UVRAG: variants seen among roughly 807,000 people sequenced by gnomAD.
The protein encoded by UVRAG is UV radiation resistance-associated gene protein.
In UVRAG, 19 loss-of-function variants were observed where a neutral mutation model predicts 78.0. That is an observed-to-expected ratio of 0.24 (90% CI 0.17 to 0.36). The LOEUF (loss-of-function observed/expected upper bound fraction) is 0.36, where lower values mean the gene tolerates loss of function less well. UVRAG is among the 10% of genes least tolerant of loss of function. The pLI, the probability that UVRAG is intolerant of heterozygous loss-of-function variation, is 1.00. For missense variants in UVRAG, 740 were observed against 853.8 expected (o/e 0.87, Z 1.66); for synonymous variants, 323 against 324.6 (o/e 1.00, Z 0.05).
intron 11 of UVRAG, among the ~76,000 whole-genome samples, chr11:76,010,541 G>A (rs1347335760): frequency 6.6e-6 from 1 of 152,176 alleles, no homozygotes; most frequent in African/African-American, 2.4e-5. Context: ...CAAAGGTGAT[G>A]ATGAAGGAGG....
chr11:75,892,467 CT>C, intron 5 of UVRAG: 1 of 910,742 alleles, frequency 1.1e-6, no homozygotes, highest in Non-Finnish European at 1.3e-6. Context: ...ATTCTAAACA[CT>C]TTACACATTT....
intron 1 of UVRAG, among the ~76,000 whole-genome samples, chr11:75,845,674 G>A (rs1946016521): frequency 6.6e-6 from 1 of 152,160 alleles, no homozygotes. Context: ...ACACAAAGAA[G>A]GGAACAGTAG....
chr11:75,931,517 A>G (rs1360286825), intron 6 of UVRAG, among the ~76,000 whole-genome samples: 3 of 152,200 alleles, frequency 2.0e-5, no homozygotes, highest in African/African-American at 7.2e-5. Flanking sequence ...ATTTTAAAAA[A>G]TTAAAGTGAA....
At chr11:76,072,104 AAG>A (rs983539569) in intron 13 of UVRAG, among the ~76,000 whole-genome samples, 1 of 152,136 alleles carries the variant, frequency 6.6e-6, no homozygotes. Flanking sequence ...CAGAGCTGAA[AAG>A]AGAGAGAGAC....
chr11:75,828,728 T>TGG (rs1945577876), intron 1 of UVRAG, among the ~76,000 whole-genome samples: 1 of 126,072 alleles, frequency 7.9e-6, no homozygotes, highest in African/African-American at 3.6e-5. Flanking sequence ...TATATGTGTG[T>TGG]GTGTATATAT....
intron 12 of UVRAG, among the ~76,000 whole-genome samples, chr11:76,056,163 T>C (rs889642928): frequency 6.6e-6 from 1 of 152,250 alleles, no homozygotes. Flanking sequence ...AGTCCCCTGC[T>C]TAACCATTGT....
chr11:75,849,156 C>T (rs1241037553), intron 1 of UVRAG, among the ~76,000 whole-genome samples: 3 of 143,444 alleles, frequency 2.1e-5, no homozygotes, highest in Non-Finnish European at 3.1e-5. Context: ...CCAGCCTGGG[C>T]GAGACAGAGC....
chr11:75,858,217 CT>C (rs1268311958), intron 2 of UVRAG, among the ~76,000 whole-genome samples: 11 of 152,006 alleles, frequency 7.2e-5, no homozygotes, highest in African/African-American at 2.7e-4. Flanking sequence ...TTTCACCAGC[CT>C]TCTGTCACCC....
chr11:76,044,501 G>A (rs956747347), intron 12 of UVRAG, among the ~76,000 whole-genome samples: 15 of 152,242 alleles, frequency 9.9e-5, no homozygotes, highest in Admixed American at 9.2e-4. Flanking sequence ...GCCAGGCGCC[G>A]CGGCTCACGG....
At chr11:75,902,186 G>T (rs1216115640) in intron 5 of UVRAG, among the ~76,000 whole-genome samples, 1 of 152,160 alleles carries the variant, frequency 6.6e-6, no homozygotes, top group South Asian at 2.1e-4. Flanking sequence ...ACACCACTTG[G>T]TTGTCATCAG....
chr11:75,917,255 A>G (rs1285822247), intron 6 of UVRAG, among the ~76,000 whole-genome samples: 1 of 152,352 alleles, frequency 6.6e-6, no homozygotes, highest in South Asian at 2.1e-4. Flanking sequence ...TAATTTTTGC[A>G]AAGGTGGTTT....
chr11:75,854,910 T>G (rs2134757795), intron 2 of UVRAG, among the ~76,000 whole-genome samples: 1 of 152,338 alleles, frequency 6.6e-6, no homozygotes, highest in East Asian at 1.9e-4. Context: ...GTATTTTAAA[T>G]TTTTGATGAG....
At chr11:76,040,680 C>G (rs191177443) in intron 12 of UVRAG, among the ~76,000 whole-genome samples, 1 of 151,882 alleles carries the variant, frequency 6.6e-6, no homozygotes, top group African/African-American at 2.4e-5. Context: ...CTCAGCCTCC[C>G]GAGTAGCTGG....
chr11:76,116,187 C>T (rs965563529), intron 14 of UVRAG, among the ~76,000 whole-genome samples, 172 bp downstream of exon 14: 2 of 152,156 alleles, frequency 1.3e-5, no homozygotes, highest in Admixed American at 6.5e-5. Flanking sequence ...TCCCGTCTGG[C>T]TAAGGAGGAT....
In UVRAG at chr11:75,893,670, CAAAAAAAA is replaced by C. The variant is rs1048785134; in HGVS notation, c.507+4787_507+4794del. Among the ~76,000 whole-genome samples, 26 of 60,394 alleles carry C rather than the reference CAAAAAAAA, an allele frequency of 4.3e-4. No individual in the cohort carries two copies. In the South Asian group the frequency reaches 9.9e-3, roughly 23 times the overall value. The allele number at this position is 60,394 out of a possible 152,430, so 39.6% of individuals were successfully genotyped here. A position where few individuals can be genotyped will look rare whatever the true frequency, so the allele number is the denominator to read the frequency against. On this transcript the variant is annotated intron_variant, in intron 5 of 14. Transcript: ENST00000356136. ...TAACATAATGAAATACTATCTCTAC[CAAAAAAAA>C]AAAAAAAAAAAAAAAAAAATTAGCC... is the stretch of plus-strand genomic sequence containing the variant.
chr11:76,037,424 A>AG (rs1477605316), intron 12 of UVRAG, among the ~76,000 whole-genome samples: 1 of 151,344 alleles, frequency 6.6e-6, no homozygotes, highest in African/African-American at 2.4e-5. Context: ...CATTCTCAGC[A>AG]GGGCGCAGTG....
chr11:76,137,664 C>T (rs1952624448), intron 14 of UVRAG: 1 of 354,402 alleles, frequency 2.8e-6, no homozygotes, highest in Non-Finnish European at 5.5e-6. Flanking sequence ...TTTGGGAGGC[C>T]AAGGCAAGAG....
rs149222690 is a variant in UVRAG, at chr11:76,141,138, G to A, written c.1825G>A (p.Ala609Thr). ...TLLPSEQAGSASVQLPGEFHP... is the reference protein window; with the variant it reads ...TLLPSEQAGSTSVQLPGEFHP... ...CCTACCCAGCGAGCAGGCCGGGTCC[G>A]CCAGTGTCCAGCTTCCAGGCGAGTT... The change falls in exon 15 of 15, where the codon GCC becomes ACC. Residue 609 changes from alanine (A) to threonine (T), a missense_variant. Physicochemically the swap from Ala to Thr is moderately conservative, Grantham distance 58. Transcript: ENST00000356136. The A allele has an allele frequency of 5.0e-4, 802 of 1,614,094 alleles. 4 individuals carry two copies. In the African/African-American group the frequency reaches 7.9e-3, roughly 16 times the overall value.
At chr11:76,083,393 G>A (rs1451807705) in intron 13 of UVRAG, among the ~76,000 whole-genome samples, 1 of 151,884 alleles carries the variant, frequency 6.6e-6, no homozygotes, top group East Asian at 1.9e-4. Context: ...ATTAAAATAA[G>A]CCCTAAACAA....
Sources: allele counts gnomAD v4.1 joint callset (sites outside exome capture counted in the v4.1 genomes callset), GRCh38; gene constraint gnomAD v4.1.1; transcripts MANE v1.5; gene names NCBI Gene and HGNC (gene_info 2026-07-23, HGNC 2026-07-21).